Variants in RPTOR observed in about 807,000 individuals in gnomAD.
RPTOR encodes the protein regulatory associated protein of MTOR complex 1, also known as regulatory-associated protein of mTOR.
Under a neutral mutation model 169.9 loss-of-function variants are expected in RPTOR, and 21 were observed. That is an observed-to-expected ratio of 0.12 (90% CI 0.09 to 0.18). The LOEUF (loss-of-function observed/expected upper bound fraction) is 0.18. Ranked by LOEUF, RPTOR falls within the 10% of genes least tolerant of loss-of-function variation. The pLI is 1.00. For synonymous variants in RPTOR, 732 were observed against 753.2 expected, an observed-to-expected ratio of 0.97 and a Z score of 0.46; for missense variants, 1,133 against 1,855.9, an observed-to-expected ratio of 0.61 and a Z score of 7.16.
intron 6 of RPTOR, among the ~76,000 whole-genome samples, chr17:80,781,420 G>A (rs535579166): frequency 2.9e-4 from 44 of 152,240 alleles, no homozygotes; most frequent in African/African-American, 1.1e-3. Flanking sequence ...TTCCCGGAGG[G>A]TACCAACGAG....
intron 1 of RPTOR, among the ~76,000 whole-genome samples, chr17:80,621,501 G>A (rs1168133044): frequency 1.3e-5 from 2 of 152,312 alleles, no homozygotes; most frequent in African/African-American, 2.4e-5. Flanking sequence ...GCCCCGAGAC[G>A]CAGAGGAGGA....
At chr17:80,685,892 T>C (rs2065943494) in intron 3 of RPTOR, among the ~76,000 whole-genome samples, 1 of 151,522 alleles carries the variant, frequency 6.6e-6, no homozygotes. Context: ...CTATTTCTCC[T>C]CATCAGGTGG....
intron 10 of RPTOR, among the ~76,000 whole-genome samples, chr17:80,838,680 G>A (rs1013668134): frequency 4.6e-5 from 7 of 152,240 alleles, no homozygotes; most frequent in Admixed American, 2.0e-4. Flanking sequence ...AGAGGGCGCG[G>A]CAGACACGGG....
chr17:80,629,018 T>C (rs9897118), intron 2 of RPTOR, among the ~76,000 whole-genome samples: 12 of 140,928 alleles, frequency 8.5e-5, no homozygotes, highest in African/African-American at 1.6e-4. Context: ...GCAGCTCTTC[T>C]GTGTGTCTCT....
rs115111806 is a variant in RPTOR, at chr17:80,761,957, G to C, written c.830+7772G>C. ...TAGGCAAGTTTAATTTGGAATTTGCGTCTGGAGAAACGGCTTTATGACGTT... is the reference window on the plus strand; with the variant it reads ...TAGGCAAGTTTAATTTGGAATTTGCCTCTGGAGAAACGGCTTTATGACGTT... On this transcript the variant is annotated intron_variant, in intron 6 of 33. Transcript: ENST00000306801. 3.1e-3 allele frequency among the ~76,000 whole-genome samples: 469 copies of C among 152,252 alleles called. 2 individuals are homozygous for C. Among genetic ancestry groups the C allele is most frequent in the African/African-American group, 0.011 (452 of 41,552 alleles).
At chr17:80,891,551 C>T (rs2068324013) in intron 17 of RPTOR, among the ~76,000 whole-genome samples, 169 bp from the exon 18 acceptor site, 2 of 152,258 alleles carry the variant, frequency 1.3e-5, no homozygotes, top group South Asian at 2.1e-4. Flanking sequence ...TCTGCTATTC[C>T]AAGGCCTCTG....
chr17:80,630,366 A>G (rs554027192), intron 2 of RPTOR, among the ~76,000 whole-genome samples: 36 of 152,368 alleles, frequency 2.4e-4, no homozygotes, highest in African/African-American at 8.7e-4. Flanking sequence ...ACCCACTGCA[A>G]CAGCACTCTT....
At position 80,957,578 on chromosome 17, in the gene RPTOR, G is replaced by T. The variant is rs1399511785; in HGVS notation, c.3371-46G>T. On this transcript the variant is annotated intron_variant, in intron 28 of 33. Transcript: ENST00000306801. This position sits in a 1 kb window ranked among gnomAD's most constrained non-coding sequence, Gnocchi z 4.6. ...AGAGCAGGCCCCAAAGCCTGCCCAA[G>T]GCAAGGGCCCATGGGGTGATGCCAT... 1 of 1,583,322 alleles carries T rather than the reference G, an allele frequency of 6.3e-7. No individual in the cohort carries two copies. The highest frequency in any genetic ancestry group is 8.7e-7 in the Non-Finnish European group (1 of 1,152,470).
rs142773323 is a variant in RPTOR, at chr17:80,611,575, C to T, written c.163-14116C>T. ...AGCAGGAGTGAGCCACCATGCCTGG[C>T]TAGTGATTTTCTTCCTGAATACTCC... On this transcript the variant is annotated intron_variant, in intron 1 of 33. Coordinates refer to ENST00000306801, the MANE Select transcript of RPTOR (RefSeq NM_020761.3). 5.2e-3 allele frequency among the ~76,000 whole-genome samples: 798 copies of T among 152,230 alleles called. 6 individuals are homozygous for T. The highest frequency in any genetic ancestry group is 0.051 in the Middle Eastern group (15 of 294).
chr17:80,625,874 C>G, intron 2 of RPTOR, 81 bp downstream of exon 2: 1 of 952,030 alleles, frequency 1.1e-6, no homozygotes, highest in Non-Finnish European at 1.7e-6. Flanking sequence ...AGCCTGTGGT[C>G]TGGTCCAGGG....
intron 3 of RPTOR, among the ~76,000 whole-genome samples, chr17:80,660,579 C>A (rs1370301822): frequency 1.3e-5 from 2 of 152,070 alleles, no homozygotes; most frequent in Non-Finnish European, 2.9e-5. Flanking sequence ...GCAGGTCTTC[C>A]CAGAGCCCCA....
At position 80,781,429 on chromosome 17, in the gene RPTOR, AGCT is replaced by A. The variant is rs1257974076; in HGVS notation, c.831-10020_831-10018del. Among the ~76,000 whole-genome samples the A allele has an allele frequency of 2.4e-3, 360 of 152,244 alleles. 2 individuals are homozygous for A. The highest frequency in any genetic ancestry group is 1.4e-3 in the Non-Finnish European group (98 of 68,026). On this transcript the variant is annotated intron_variant, in intron 6 of 33. Transcript: ENST00000306801. Reference sequence around the variant, plus strand: ...CCCTTCTTCCCGGAGGGTACCAACGAGCTAGGCCTGGTGCTGCCGAAAAGGAAC... The same window carrying A: ...CCCTTCTTCCCGGAGGGTACCAACGAAGGCCTGGTGCTGCCGAAAAGGAAC...
intron 9 of RPTOR, among the ~76,000 whole-genome samples, chr17:80,835,958 A>G (rs1301473034): frequency 2.0e-5 from 3 of 152,108 alleles, no homozygotes; most frequent in Non-Finnish European, 4.4e-5. Flanking sequence ...GGGCCACAGC[A>G]GCTGCCTCCG....
chr17:80,867,065 A>G (rs2068001197), intron 13 of RPTOR, among the ~76,000 whole-genome samples: 1 of 152,218 alleles, frequency 6.6e-6, no homozygotes, highest in South Asian at 2.1e-4. Flanking sequence ...ACAAGAAAAG[A>G]AAACTACAGA....
chr17:80,945,465 A>G (rs930516173), intron 25 of RPTOR: 80 of 394,192 alleles, frequency 2.0e-4, no homozygotes, highest in Non-Finnish European at 3.0e-4. Flanking sequence ...GGTGGCGGGC[A>G]CCTGTAGTCC....
chr17:80,734,306 G>T, intron 5 of RPTOR, among the ~76,000 whole-genome samples: 1 of 152,122 alleles, frequency 6.6e-6, no homozygotes. Flanking sequence ...TCAGCCGATC[G>T]TGCCTGTGGC....
intron 7 of RPTOR, among the ~76,000 whole-genome samples, chr17:80,806,439 T>C (rs1291389783): frequency 1.3e-5 from 2 of 152,226 alleles, no homozygotes; most frequent in Non-Finnish European, 2.9e-5. Context: ...TTTTTGTTTC[T>C]GTTGTTTGGA....
intron 24 of RPTOR, among the ~76,000 whole-genome samples, chr17:80,932,027 T>C (rs184028086): frequency 6.6e-6 from 1 of 152,214 alleles, no homozygotes; most frequent in South Asian, 2.1e-4. Flanking sequence ...AATCCGAAGC[T>C]GGCCACATGC....
intron 2 of RPTOR, among the ~76,000 whole-genome samples, chr17:80,636,665 A>G (rs2065509208): frequency 6.6e-6 from 1 of 152,160 alleles, no homozygotes; most frequent in Non-Finnish European, 1.5e-5. Flanking sequence ...TTTTGGGGAC[A>G]TATTCAGAAC....
Sources: gnomAD v4.1 joint callset for allele counts (sites outside exome capture counted in the v4.1 genomes callset) on GRCh38, gnomAD v4.1.1 for gene constraint, Gnocchi (gnomAD v3.1) non-coding constraint, MANE v1.5 for transcripts, NCBI Gene and HGNC (gene_info 2026-07-23, HGNC 2026-07-21) for gene names.